FAM162A: variants seen among roughly 807,000 people sequenced by gnomAD.
FAM162A encodes protein FAM162A.
FAM162A carries 23 observed loss-of-function variants against 21.8 expected under a neutral mutation model. The ratio of observed to expected loss-of-function variants is 1.05; its 90% CI spans 0.76 to 1.49. The LOEUF (loss-of-function observed/expected upper bound fraction) is 1.49, where lower values mean the gene tolerates loss of function less well. Among genes scored for constraint, FAM162A ranks in the 40% most tolerant of loss-of-function variants. The pLI, the probability that FAM162A is intolerant of heterozygous loss-of-function variation, is 0.00. For synonymous variants in FAM162A, 53 were observed against 61.3 expected, an observed-to-expected ratio of 0.86 and a Z score of 0.64; for missense variants, 165 against 186.4, an observed-to-expected ratio of 0.89 and a Z score of 0.67.
chr3:122,388,743 T>A (rs1371362159), intron 1 of FAM162A, among the ~76,000 whole-genome samples: 1 of 152,070 alleles, frequency 6.6e-6, no homozygotes, highest in Non-Finnish European at 1.5e-5. Flanking sequence ...GGGCTAATGA[T>A]GAGAATCTAA....
At chr3:122,390,558 G>A (rs1025622912) in intron 1 of FAM162A, among the ~76,000 whole-genome samples, 1 of 152,202 alleles carries the variant, frequency 6.6e-6, no homozygotes, top group Admixed American at 6.5e-5. Context: ...TTTATGGAAA[G>A]GAGGGGACTA....
chr3:122,400,460 T>A (rs2075647795), intron 1 of FAM162A, among the ~76,000 whole-genome samples: 1 of 152,140 alleles, frequency 6.6e-6, no homozygotes, highest in Non-Finnish European at 1.5e-5. Flanking sequence ...CCATAGCATG[T>A]GTATACCTAT....
intron 1 of FAM162A, among the ~76,000 whole-genome samples, chr3:122,401,696 A>G (rs1053735016): frequency 6.6e-6 from 1 of 151,302 alleles, no homozygotes; most frequent in African/African-American, 2.4e-5. Context: ...TGTGGTTTTG[A>G]TGTGCATTTC....
In FAM162A at chr3:122,407,273, A is replaced by G. The variant is rs1360786020; in HGVS notation, c.264-8A>G. The stretch of plus-strand genomic sequence containing the variant: ...TAACTTTCTCTCATGATCTCATTGT[A>G]TTACTAGGTTGGAGATGCTTGATGC... On this transcript the variant is annotated splice_region_variant and splice_polypyrimidine_tract_variant and intron_variant, in intron 3 of 4. Coordinates refer to ENST00000477892, the MANE Select transcript of FAM162A (RefSeq NM_014367.4). 4.3e-6 allele frequency: 7 copies of G among 1,611,660 alleles called. 1 individual carries two copies. The South Asian group carries it at 7.7e-5, about 18-fold the overall frequency.
rs189757578 is a variant in FAM162A, at chr3:122,395,457, T to G, written c.35-7303T>G. Among the ~76,000 whole-genome samples, 868 of 152,300 alleles carry G rather than the reference T, an allele frequency of 5.7e-3. 7 individuals are homozygous for G. The highest frequency in any genetic ancestry group is 8.9e-3 in the Non-Finnish European group (607 of 68,020). ...AATGCAAACATGAAGAAAATTCCAT[T>G]TATAATAGCATCAAAAAGAATAACG... On this transcript the variant is annotated intron_variant, in intron 1 of 4. Transcript: ENST00000477892.
chr3:122,403,796 G>A (rs868501971), intron 2 of FAM162A, among the ~76,000 whole-genome samples: 1 of 152,078 alleles, frequency 6.6e-6, no homozygotes, highest in Non-Finnish European at 1.5e-5. Flanking sequence ...GACAACTCTG[G>A]TTCAGAGAAT....
chr3:122,397,331 C>T (rs1477504976), intron 1 of FAM162A, among the ~76,000 whole-genome samples: 1 of 152,152 alleles, frequency 6.6e-6, no homozygotes, highest in Non-Finnish European at 1.5e-5. Context: ...GCTCCAAACT[C>T]TGAGGCTGCA....
chr3:122,394,740 T>C (rs570291954), intron 1 of FAM162A, among the ~76,000 whole-genome samples: 48 of 152,308 alleles, frequency 3.2e-4, no homozygotes, highest in African/African-American at 1.2e-3. Flanking sequence ...CTTTCACAAA[T>C]TCTTCCAAAA....
chr3:122,402,870 G>T lies in FAM162A; in HGVS notation c.145G>T (p.Gly49Ter). The T allele has an allele frequency of 6.3e-7, 1 of 1,598,346 alleles. No individual in the cohort carries two copies. The highest frequency in any genetic ancestry group is 8.5e-7 in the Non-Finnish European group (1 of 1,174,832). The stretch of plus-strand genomic sequence containing the variant: ...TTGCACAAAACCACAGGAAAGTCCC[G>T]GAGCTCCATCCCGTAAGTTTTTATT... The part of the protein sequence containing the change: ...GFCTKPQESP[G>*]APSRTYNRVP... The change falls in exon 2 of 5, where the codon GGA (glycine) becomes TGA (stop). Residue 49 changes from glycine (G) to a stop codon, truncating the protein, a stop_gained. Coordinates refer to ENST00000477892, the MANE Select transcript of FAM162A (RefSeq NM_014367.4). LOFTEE classifies it high-confidence loss of function.
chr3:122,390,135 TA>T lies in FAM162A; in HGVS notation c.34+5847del, dbSNP rs146565256. On this transcript the variant is annotated intron_variant, in intron 1 of 4. Coordinates refer to ENST00000477892, the MANE Select transcript of FAM162A (RefSeq NM_014367.4). ...AGGTGACAAAGTGAGACCTTGTCTC[TA>T]AAAAAAAAAATAAGTTTTTTAGTTT... is the stretch of plus-strand genomic sequence containing the variant. Among the ~76,000 whole-genome samples the T allele has an allele frequency of 7.0e-3, 1,018 of 146,438 alleles. 14 individuals carry two copies. The highest frequency in any genetic ancestry group is 0.023 in the African/African-American group (936 of 40,138).
At chr3:122,393,315 A>G (rs1448477695) in intron 1 of FAM162A, among the ~76,000 whole-genome samples, 8 of 152,004 alleles carry the variant, frequency 5.3e-5, no homozygotes, top group Admixed American at 2.0e-4. Context: ...AACTCTGGAA[A>G]ATTACCAGGC....
chr3:122,408,481 G>A (rs1011860602), intron 4 of FAM162A, among the ~76,000 whole-genome samples: 1 of 152,174 alleles, frequency 6.6e-6, no homozygotes, highest in Non-Finnish European at 1.5e-5. Flanking sequence ...TAATTCCAGA[G>A]TAAAAGGAAA....
Position 122,407,247 on chromosome 3 carries a change from A to T in FAM162A, c.264-34A>T, listed in dbSNP as rs765809861. 4.0e-5 allele frequency: 63 copies of T among 1,576,482 alleles called. No homozygotes were observed. In the East Asian group the frequency reaches 1.4e-3, roughly 34 times the overall value. On this transcript the variant is annotated intron_variant, in intron 3 of 4. Transcript: ENST00000477892. ...AGCAACTTCAGAAAGGGAAAAGTTA[A>T]TAACTTTCTCTCATGATCTCATTGT...
intron 1 of FAM162A, among the ~76,000 whole-genome samples, chr3:122,396,548 T>C (rs937872479): frequency 1.3e-4 from 20 of 152,196 alleles, no homozygotes; most frequent in Non-Finnish European, 1.0e-4. Flanking sequence ...AAATGTGAAA[T>C]GTTACAGCCA....
intron 1 of FAM162A, among the ~76,000 whole-genome samples, chr3:122,398,381 A>G (rs2075638933): frequency 6.6e-6 from 1 of 152,250 alleles, no homozygotes; most frequent in African/African-American, 2.4e-5. Context: ...GAACAATCTT[A>G]ATATGAAAAG....
At chr3:122,388,097 C>T (rs987170108) in intron 1 of FAM162A, among the ~76,000 whole-genome samples, 2 of 152,162 alleles carry the variant, frequency 1.3e-5, no homozygotes, top group East Asian at 1.9e-4. Context: ...AAAATTAACT[C>T]AGCAACTACA....
At chr3:122,402,579 T>C (rs545604874) in intron 1 of FAM162A, among the ~76,000 whole-genome samples, 181 bp from the exon 2 acceptor site, 1 of 152,368 alleles carries the variant, frequency 6.6e-6, no homozygotes, top group South Asian at 2.1e-4. Flanking sequence ...AACATTTATA[T>C]TTTAAAACAG....
At chr3:122,396,266 A>C (rs1416051056) in intron 1 of FAM162A, among the ~76,000 whole-genome samples, 1 of 152,174 alleles carries the variant, frequency 6.6e-6, no homozygotes, top group East Asian at 1.9e-4. Flanking sequence ...TGCAAAGTAC[A>C]TATCAGATAA....
At chr3:122,398,310 A>AG (rs1324847497) in intron 1 of FAM162A, among the ~76,000 whole-genome samples, 1 of 152,210 alleles carries the variant, frequency 6.6e-6, no homozygotes, top group Non-Finnish European at 1.5e-5. Flanking sequence ...TAAAAAAAAA[A>AG]GATAGATGAA....
Sources: allele counts gnomAD v4.1 joint callset (sites outside exome capture counted in the v4.1 genomes callset), GRCh38; gene constraint gnomAD v4.1.1; transcripts MANE v1.5; gene names NCBI Gene and HGNC (gene_info 2026-07-23, HGNC 2026-07-21).